The following ADGRL3 variants were observed in gnomAD, a reference collection of about 807,000 sequenced individuals.
ADGRL3 encodes the protein calcium-independent alpha-latrotoxin receptor 3.
In ADGRL3, 62 loss-of-function variants were observed where a neutral mutation model predicts 153.5. That is an observed-to-expected ratio of 0.40 (90% CI 0.33 to 0.50). ADGRL3 has a LOEUF of 0.50. Ranked by LOEUF, ADGRL3 falls within the 20% of genes least tolerant of loss-of-function variation. ADGRL3 has a pLI of 0.47. For missense variants in ADGRL3, 1,641 were observed against 1,859.4 expected (o/e 0.88, Z 2.16); for synonymous variants, 710 against 672.5 (o/e 1.06, Z -0.86).
intron 3 of ADGRL3, among the ~76,000 whole-genome samples, chr4:61,502,830 G>GA (rs1214077355): frequency 6.6e-6 from 1 of 152,136 alleles, no homozygotes; most frequent in Non-Finnish European, 1.5e-5. Context: ...TATTAGTGGT[G>GA]AAAGAGTCAG....
chr4:62,013,783 G>T (rs1057360990), intron 21 of ADGRL3, among the ~76,000 whole-genome samples: 4 of 151,946 alleles, frequency 2.6e-5, no homozygotes, highest in African/African-American at 4.8e-5. Flanking sequence ...AGCAACTCAG[G>T]AGGCTGAAGC....
At chr4:61,740,943 A>G (rs1253942018) in intron 8 of ADGRL3, among the ~76,000 whole-genome samples, 1 of 152,204 alleles carries the variant, frequency 6.6e-6, no homozygotes, top group Non-Finnish European at 1.5e-5. Context: ...CAGTTTAACA[A>G]TGAGGATATG....
chr4:61,870,296 T>C (rs370461329), intron 9 of ADGRL3, among the ~76,000 whole-genome samples: 4 of 152,242 alleles, frequency 2.6e-5, no homozygotes, highest in East Asian at 3.9e-4. Context: ...CCTTATACTA[T>C]ACACAAAAAT....
At chr4:61,741,288 C>G (rs1042228014) in intron 8 of ADGRL3, among the ~76,000 whole-genome samples, 1 of 152,164 alleles carries the variant, frequency 6.6e-6, no homozygotes, top group Non-Finnish European at 1.5e-5. Flanking sequence ...GGGTATGATT[C>G]CTTCACAGTT....
rs775770406 is a variant in ADGRL3 at position 62,070,352 on chromosome 4, T to C, written c.4076T>C (p.Leu1359Pro). 1.6e-5 allele frequency: 25 copies of C among 1,552,288 alleles called. No individual in the cohort carries two copies. In the East Asian group the frequency reaches 3.7e-4, roughly 23 times the overall value. Residue 1359 changes from leucine (L) to proline (P), a missense_variant, in exon 27 of 27, where the codon CTG becomes CCG. Transcript: ENST00000683033. ...HERSSEQNRN[L>P]MNKLVNNLGS... is the part of the protein sequence containing the mutation. ...CGCTCCAGTGAACAGAACAGGAATCTGATGAACAAGCTGGTGAATAACCTT... is the reference window on the plus strand; with the variant it reads ...CGCTCCAGTGAACAGAACAGGAATCCGATGAACAAGCTGGTGAATAACCTT...
At chr4:61,719,794 G>A (rs1388386128) in intron 6 of ADGRL3, among the ~76,000 whole-genome samples, 1 of 151,636 alleles carries the variant, frequency 6.6e-6, no homozygotes, top group Non-Finnish European at 1.5e-5. Context: ...GTGGAGACTG[G>A]TTTTCATTAT....
At chr4:61,261,735 A>G (rs189416640) in intron 1 of ADGRL3, among the ~76,000 whole-genome samples, 79 of 152,360 alleles carry the variant, frequency 5.2e-4, no homozygotes, top group Non-Finnish European at 9.0e-4. Context: ...ATAGTGTTAC[A>G]ATGTCGTCTT....
chr4:61,432,566 T>TTG (rs2097368319), intron 2 of ADGRL3, among the ~76,000 whole-genome samples: 1 of 29,342 alleles, frequency 3.4e-5, no homozygotes, highest in Non-Finnish European at 4.7e-4. Flanking sequence ...TTTCTTTTCT[T>TTG]TCTCTTCCTT....
chr4:61,333,890 A>G (rs564018389), intron 1 of ADGRL3, among the ~76,000 whole-genome samples: 27 of 150,836 alleles, frequency 1.8e-4, no homozygotes, highest in Admixed American at 7.9e-4. Flanking sequence ...TGCTGGAATT[A>G]CAGGCATGAG....
At chr4:61,906,042 G>A (rs1049801607) in intron 11 of ADGRL3, among the ~76,000 whole-genome samples, 1 of 151,112 alleles carries the variant, frequency 6.6e-6, no homozygotes, top group African/African-American at 2.4e-5. Context: ...TCTCTTTTTA[G>A]GCTTTGTTCT....
intron 1 of ADGRL3, among the ~76,000 whole-genome samples, chr4:61,236,008 C>CCTT (rs1752655253): frequency 1.0e-4 from 10 of 95,904 alleles, no homozygotes; most frequent in Middle Eastern, 9.1e-3. Context: ...CTTTTCTTTT[C>CCTT]TTTTTTTTTT....
intron 1 of ADGRL3, among the ~76,000 whole-genome samples, chr4:61,234,181 C>G (rs1054404591): frequency 2.6e-5 from 4 of 151,926 alleles, no homozygotes; most frequent in African/African-American, 9.7e-5. Flanking sequence ...ATAACTGAGA[C>G]TGGGAAGAAA....
intron 2 of ADGRL3, among the ~76,000 whole-genome samples, chr4:61,404,491 G>A (rs1156234273): frequency 6.6e-6 from 1 of 152,160 alleles, no homozygotes; most frequent in Non-Finnish European, 1.5e-5. Context: ...AAGTTACTTG[G>A]TTGAACTTCA....
chr4:61,737,756 A>G (rs1387896206), intron 8 of ADGRL3, among the ~76,000 whole-genome samples: 2 of 152,146 alleles, frequency 1.3e-5, no homozygotes, highest in East Asian at 1.9e-4. Flanking sequence ...AATTGTCCAG[A>G]TGTTAGCACC....
At chr4:62,014,716 C>T (rs2099203409) in intron 21 of ADGRL3, among the ~76,000 whole-genome samples, 1 of 152,052 alleles carries the variant, frequency 6.6e-6, no homozygotes, top group Non-Finnish European at 1.5e-5. Context: ...TCAATTTTAC[C>T]ACTGTTCGTA....
intron 6 of ADGRL3, among the ~76,000 whole-genome samples, chr4:61,708,249 A>T (rs944332778): frequency 6.6e-5 from 10 of 152,186 alleles, no homozygotes; most frequent in Admixed American, 6.5e-4. Flanking sequence ...AGAGGGATTT[A>T]GAGGCATTAT....
intron 1 of ADGRL3, among the ~76,000 whole-genome samples, chr4:61,352,818 T>A (rs921511793): frequency 6.6e-6 from 1 of 152,204 alleles, no homozygotes; most frequent in African/African-American, 2.4e-5. Flanking sequence ...ACTTTTGTAG[T>A]AGGTTGGTGC....
chr4:61,881,658 G>T (rs971983681), intron 9 of ADGRL3, among the ~76,000 whole-genome samples: 1 of 152,208 alleles, frequency 6.6e-6, no homozygotes, highest in Non-Finnish European at 1.5e-5. Context: ...GAACACAGGC[G>T]TGAGCCACCA....
intron 9 of ADGRL3, among the ~76,000 whole-genome samples, chr4:61,886,593 A>C (rs1219312568): frequency 8.8e-6 from 1 of 113,070 alleles, no homozygotes; most frequent in African/African-American, 2.9e-5. Flanking sequence ...GTAGAAGATA[A>C]ACCTTTCTTC....
Sources: gnomAD v4.1 joint callset for allele counts (sites outside exome capture counted in the v4.1 genomes callset) on GRCh38, gnomAD v4.1.1 for gene constraint, MANE v1.5 for transcripts, NCBI Gene and HGNC (gene_info 2026-07-23, HGNC 2026-07-21) for gene names.